SEMA5A: variants seen among roughly 807,000 people sequenced by gnomAD.
SEMA5A encodes the protein semaphorin-5A.
Under a neutral mutation model 135.5 loss-of-function variants are expected in SEMA5A, and 55 were observed. The observed-to-expected ratio is 0.41, with a 90% CI of 0.33 to 0.51. The LOEUF is 0.51. Ranked by LOEUF, SEMA5A falls within the 20% of genes least tolerant of loss-of-function variation. SEMA5A has a pLI of 0.37. For synonymous variants in SEMA5A, 580 were observed against 546.5 expected (o/e 1.06, Z -0.85); for missense variants, 1,290 against 1,419.9 (o/e 0.91, Z 1.47).
chr5:9,106,208 A>G (rs1579403154), intron 16 of SEMA5A, among the ~76,000 whole-genome samples: 1 of 152,226 alleles, frequency 6.6e-6, no homozygotes, highest in South Asian at 2.1e-4. Context: ...CCAAAAAGTG[A>G]CAATAGTCTC....
chr5:9,426,429 AAAT>A lies in SEMA5A; in HGVS notation c.-78+11324_-78+11326del, dbSNP rs1330357988. Among the ~76,000 whole-genome samples, 373 of 142,714 alleles carry A rather than the reference AAAT, an allele frequency of 2.6e-3. 5 individuals carry two copies. The highest frequency in any genetic ancestry group is 9.6e-3 in the African/African-American group (361 of 37,504). The allele number at this position is 142,714 out of a possible 152,430, so 93.6% of individuals were successfully genotyped here. ...AACAGAGCGAGACTCCATCTCAAAAAAATAAATAAAATAAAATAAAATAAAATA... is the reference window on the plus strand; with the variant it reads ...AACAGAGCGAGACTCCATCTCAAAAAAAATAAAATAAAATAAAATAAAATA... On this transcript the variant is annotated intron_variant, in intron 2 of 22. Transcript: ENST00000382496.
At chr5:9,168,832 C>T (rs1579530598) in intron 11 of SEMA5A, among the ~76,000 whole-genome samples, 1 of 152,290 alleles carries the variant, frequency 6.6e-6, no homozygotes, top group Non-Finnish European at 1.5e-5. Context: ...AATGCTCCTC[C>T]AGGCCATGTT....
At chr5:9,106,851 T>TA (rs1287275629) in intron 16 of SEMA5A, among the ~76,000 whole-genome samples, 1 of 152,248 alleles carries the variant, frequency 6.6e-6, no homozygotes, top group African/African-American at 2.4e-5. Flanking sequence ...AGTGTCTTTA[T>TA]AATCAGTACT....
At chr5:9,453,335 A>G (rs1373436013) in intron 1 of SEMA5A, among the ~76,000 whole-genome samples, 1 of 152,192 alleles carries the variant, frequency 6.6e-6, no homozygotes, top group Non-Finnish European at 1.5e-5. Flanking sequence ...AGGCAATCCT[A>G]TCACCTTCTT....
At chr5:9,082,203 CT>C (rs1348366983) in intron 16 of SEMA5A, among the ~76,000 whole-genome samples, 1 of 152,226 alleles carries the variant, frequency 6.6e-6, no homozygotes, top group Non-Finnish European at 1.5e-5. Context: ...TGCATCCCTA[CT>C]GTTTTGAAAT....
intron 1 of SEMA5A, among the ~76,000 whole-genome samples, chr5:9,470,102 G>T (rs994199207): frequency 6.6e-6 from 1 of 152,170 alleles, no homozygotes; most frequent in Non-Finnish European, 1.5e-5. Context: ...GTTAGGGGGG[G>T]TTCCACTATT....
intron 1 of SEMA5A, among the ~76,000 whole-genome samples, chr5:9,462,519 C>T (rs1193154055): frequency 4.6e-5 from 7 of 152,076 alleles, no homozygotes; most frequent in Non-Finnish European, 7.4e-5. Flanking sequence ...TAAAGACACA[C>T]GTGTGTGTAT....
intron 16 of SEMA5A, among the ~76,000 whole-genome samples, chr5:9,098,248 TA>T (rs1437711547): frequency 6.7e-6 from 1 of 149,166 alleles, no homozygotes; most frequent in Non-Finnish European, 1.5e-5. Context: ...AATAAATAAA[TA>T]AATAAATAAA....
intron 1 of SEMA5A, among the ~76,000 whole-genome samples, chr5:9,515,766 G>A (rs535249360): frequency 6.6e-6 from 1 of 152,174 alleles, no homozygotes; most frequent in African/African-American, 2.4e-5. Flanking sequence ...ACAGCTTAAT[G>A]TCAGTGTAAA....
At chr5:9,476,904 A>G (rs1207018694) in intron 1 of SEMA5A, among the ~76,000 whole-genome samples, 2 of 151,338 alleles carry the variant, frequency 1.3e-5, no homozygotes, top group East Asian at 3.9e-4. Flanking sequence ...TAGCAAGACC[A>G]TGTCTTTACA....
chr5:9,154,522 G>A lies in SEMA5A; in HGVS notation c.1447C>T (p.Pro483Ser). Residue 483 changes from proline to serine, a missense_variant, in exon 12 of 23, where the codon CCC becomes TCC. Transcript: ENST00000382496. ...VGLREHVVKI[P>S]LKRCQFYRTR... ...CGGTAGAACTGGCACCTCTTCAGGG[G>A]GATCTTGACCACGTGCTCCCGCAGG... 6.2e-7 allele frequency: 1 copy of A among 1,612,262 alleles called. No homozygotes were observed. Among genetic ancestry groups the A allele is most frequent in the Non-Finnish European group, 8.5e-7 (1 of 1,179,986 alleles).
intron 5 of SEMA5A, among the ~76,000 whole-genome samples, chr5:9,242,693 G>A (rs1748266972): frequency 6.6e-6 from 1 of 152,056 alleles, no homozygotes; most frequent in South Asian, 2.1e-4. Context: ...GGGTGCACCA[G>A]GATCTCACAA....
intron 13 of SEMA5A, among the ~76,000 whole-genome samples, chr5:9,133,864 C>T (rs1741579117): frequency 6.6e-6 from 1 of 151,352 alleles, no homozygotes; most frequent in Non-Finnish European, 1.5e-5. Context: ...TCTGTGTCCC[C>T]ACCTAAATCT....
At chr5:9,061,692 G>A (rs781254518) in intron 18 of SEMA5A, among the ~76,000 whole-genome samples, 1 of 152,098 alleles carries the variant, frequency 6.6e-6, no homozygotes, top group Non-Finnish European at 1.5e-5. Context: ...CTGGGCGGGG[G>A]CTCTTTCGGC....
At chr5:9,373,205 A>G (rs1755218084) in intron 3 of SEMA5A, among the ~76,000 whole-genome samples, 1 of 152,210 alleles carries the variant, frequency 6.6e-6, no homozygotes, top group Non-Finnish European at 1.5e-5. Flanking sequence ...ACACACACAT[A>G]AATATAATGT....
chr5:9,515,305 T>C (rs1736447186), intron 1 of SEMA5A, among the ~76,000 whole-genome samples: 1 of 152,176 alleles, frequency 6.6e-6, no homozygotes, highest in Non-Finnish European at 1.5e-5. Context: ...TGAATGTATA[T>C]CATGTTAGCA....
chr5:9,444,857 C>T (rs1405216667), intron 1 of SEMA5A, among the ~76,000 whole-genome samples: 1 of 152,120 alleles, frequency 6.6e-6, no homozygotes, highest in Admixed American at 6.5e-5. Flanking sequence ...TTTGCCCGCA[C>T]CGGCCTGAAT....
intron 2 of SEMA5A, among the ~76,000 whole-genome samples, chr5:9,399,925 T>G (rs60500303): frequency 6.6e-6 from 1 of 152,050 alleles, no homozygotes; most frequent in African/African-American, 2.4e-5. Flanking sequence ...GATAAGATAC[T>G]GGTATACATA....
intron 13 of SEMA5A, among the ~76,000 whole-genome samples, chr5:9,134,200 A>G (rs1306079913): frequency 6.6e-6 from 1 of 152,174 alleles, no homozygotes; most frequent in Non-Finnish European, 1.5e-5. Flanking sequence ...AGACTAATAC[A>G]AGTGGCATGA....
Sources: allele counts gnomAD v4.1 joint callset (sites outside exome capture counted in the v4.1 genomes callset), GRCh38; gene constraint gnomAD v4.1.1; transcripts MANE v1.5; gene names NCBI Gene and HGNC (gene_info 2026-07-23, HGNC 2026-07-21).